GALNT11: variants seen among roughly 807,000 people sequenced by gnomAD.
The protein encoded by GALNT11 is UDP-GalNAc:polypeptide N-acetylgalactosaminyltransferase 11.
A neutral mutation model predicts 72.7 loss-of-function variants in GALNT11; 47 were observed. That is an observed-to-expected ratio of 0.65 (90% CI 0.51 to 0.82). The LOEUF (loss-of-function observed/expected upper bound fraction) is 0.82, where lower values mean the gene tolerates loss of function less well. Among genes scored for constraint, GALNT11 ranks in the 40% least tolerant of loss-of-function variants. The pLI, the probability that GALNT11 is intolerant of heterozygous loss-of-function variation, is 0.00. For synonymous variants in GALNT11, 270 were observed against 286.6 expected (o/e 0.94, Z 0.58); for missense variants, 677 against 778.4 (o/e 0.87, Z 1.55).
chr7:152,075,388 C>T lies in GALNT11; in HGVS notation c.-38-18802C>T, dbSNP rs182489821. 3.2e-3 allele frequency among the ~76,000 whole-genome samples: 488 copies of T among 152,358 alleles called. 1 individual carries two copies. Among genetic ancestry groups the T allele is most frequent in the Non-Finnish European group, 5.8e-3 (395 of 68,040 alleles). Reference sequence around the variant, plus strand: ...CTTCAGTGCTTTAGACACATAGGCTCAGTGCTGCAATATTGTGTCTAGGTT... The same window carrying T: ...CTTCAGTGCTTTAGACACATAGGCTTAGTGCTGCAATATTGTGTCTAGGTT... On this transcript the variant is annotated intron_variant, in intron 1 of 11. Transcript: ENST00000430044.
intron 1 of GALNT11, among the ~76,000 whole-genome samples, chr7:152,060,888 G>A (rs2083970316): frequency 6.6e-6 from 1 of 152,166 alleles, no homozygotes; most frequent in Non-Finnish European, 1.5e-5. Context: ...GGACATTTGG[G>A]TTGGTTCCAA....
At chr7:152,077,256 T>C (rs1469640732) in intron 1 of GALNT11, among the ~76,000 whole-genome samples, 2 of 152,200 alleles carry the variant, frequency 1.3e-5, no homozygotes, top group Non-Finnish European at 2.9e-5. Flanking sequence ...GATACTTTTC[T>C]GAAAAGCATC....
At position 152,032,239 on chromosome 7, in the gene GALNT11, A is replaced by G. The variant is rs112976694; in HGVS notation, c.-39+6355A>G. Among the ~76,000 whole-genome samples the G allele has an allele frequency of 1.8e-3, 266 of 151,950 alleles. 2 individuals carry two copies. Among genetic ancestry groups the G allele is most frequent in the African/African-American group, 6.2e-3 (255 of 41,446 alleles). ...GTGCCTGACCAAACAGATGAGGGCTATCCCTAAACCCTTGGGGCAAGACGG... is the reference window on the plus strand; with the variant it reads ...GTGCCTGACCAAACAGATGAGGGCTGTCCCTAAACCCTTGGGGCAAGACGG... On this transcript the variant is annotated intron_variant, in intron 1 of 11. Coordinates refer to ENST00000430044, the MANE Select transcript of GALNT11 (RefSeq NM_022087.4).
intron 1 of GALNT11, among the ~76,000 whole-genome samples, chr7:152,051,832 A>G (rs1315201438): frequency 6.6e-6 from 1 of 152,154 alleles, no homozygotes; most frequent in Admixed American, 6.5e-5. Context: ...TCTGTTCTTC[A>G]CTCTGACAAT....
chr7:152,038,292 C>T (rs947230667), intron 1 of GALNT11, among the ~76,000 whole-genome samples: 2 of 152,064 alleles, frequency 1.3e-5, no homozygotes, highest in African/African-American at 4.8e-5. Flanking sequence ...TGACAGCAAG[C>T]CAGTCATAAG....
chr7:152,072,314 CAAAAAAAAA>C (rs754741694), intron 1 of GALNT11, among the ~76,000 whole-genome samples: 1 of 62,278 alleles, frequency 1.6e-5, no homozygotes, highest in East Asian at 4.6e-4. Flanking sequence ...GACTCCGTCT[CAAAAAAAAA>C]AAAAAAAAAG....
chr7:152,063,546 T>C (rs1366178424), intron 1 of GALNT11, among the ~76,000 whole-genome samples: 1 of 152,248 alleles, frequency 6.6e-6, no homozygotes, highest in Non-Finnish European at 1.5e-5. Flanking sequence ...TTCTTTTAAT[T>C]GTATGTTAGG....
At chr7:152,030,127 CAG>C (rs2082237157) in intron 1 of GALNT11, among the ~76,000 whole-genome samples, 1 of 152,182 alleles carries the variant, frequency 6.6e-6, no homozygotes, top group African/African-American at 2.4e-5. Context: ...AGACACAAGA[CAG>C]AGATAAAAGA....
chr7:152,110,775 G>T (rs2088097125), intron 7 of GALNT11, 130 bp downstream of exon 7: 2 of 709,468 alleles, frequency 2.8e-6, no homozygotes, highest in Admixed American at 5.3e-5. Context: ...CTGCTGCCCA[G>T]GTTGGAGTGC....
At chr7:152,084,380 T>TAAAAAAAAAAA (rs11447244) in intron 1 of GALNT11, among the ~76,000 whole-genome samples, 1 of 105,330 alleles carries the variant, frequency 9.5e-6, no homozygotes, top group African/African-American at 3.8e-5. Flanking sequence ...CCTGTCTCTT[T>TAAAAAAAAAAA]AAAAAAAAAA....
chr7:152,096,442 C>T (rs760938122), intron 2 of GALNT11, among the ~76,000 whole-genome samples: 3 of 152,204 alleles, frequency 2.0e-5, no homozygotes, highest in Admixed American at 6.5e-5. Flanking sequence ...AAGGGCTGGA[C>T]GCAGTGGCTG....
chr7:152,040,106 T>C (rs903490318), intron 1 of GALNT11, among the ~76,000 whole-genome samples: 4 of 151,844 alleles, frequency 2.6e-5, no homozygotes, highest in African/African-American at 4.8e-5. Context: ...TAGAGAAAAA[T>C]GTAGCTAGAG....
intron 1 of GALNT11, among the ~76,000 whole-genome samples, chr7:152,090,094 A>G (rs2085913492): frequency 6.6e-6 from 1 of 152,172 alleles, no homozygotes; most frequent in African/African-American, 2.4e-5. Flanking sequence ...GAAAGGGGCT[A>G]GTTATAGGGA....
At chr7:152,034,020 A>C (rs2361218) in intron 1 of GALNT11, among the ~76,000 whole-genome samples, 24,359 of 152,156 alleles carry the variant, frequency 0.16, 4,738 homozygotes, top group African/African-American at 0.46. Flanking sequence ...CTGAAAACTT[A>C]CCCAGGTCTG....
chr7:152,091,134 G>GC (rs59188103), intron 1 of GALNT11, among the ~76,000 whole-genome samples: 151,803 of 151,838 alleles, frequency 1, 75,884 homozygotes, highest in Middle Eastern at 1. Flanking sequence ...TGCAACCTCT[G>GC]CTCCCGGGTT....
At position 152,053,872 on chromosome 7, in the gene GALNT11, A is replaced by G. The variant is rs142811083; in HGVS notation, c.-39+27988A>G. The stretch of plus-strand genomic sequence containing the variant: ...AAACCTTGCAATTTATAATTTCATC[A>G]TTGATAAGTGTATCATTTAACTACT... On this transcript the variant is annotated intron_variant, in intron 1 of 11. Coordinates refer to ENST00000430044, the MANE Select transcript of GALNT11 (RefSeq NM_022087.4). 6.4e-3 allele frequency among the ~76,000 whole-genome samples: 968 copies of G among 152,366 alleles called. 10 individuals carry two copies. The highest frequency in any genetic ancestry group is 0.021 in the African/African-American group (880 of 41,584).
chr7:152,026,735 G>C (rs1222074164), intron 1 of GALNT11, among the ~76,000 whole-genome samples: 3 of 152,224 alleles, frequency 2.0e-5, no homozygotes, highest in African/African-American at 4.8e-5. Context: ...GTAGCCGTTT[G>C]TCTCTCATCT....
chr7:152,069,590 T>C (rs185253837), intron 1 of GALNT11, among the ~76,000 whole-genome samples: 143 of 152,334 alleles, frequency 9.4e-4, no homozygotes, highest in African/African-American at 3.2e-3. Context: ...TATGATGCCT[T>C]CTTATTTGAA....
intron 1 of GALNT11, among the ~76,000 whole-genome samples, chr7:152,038,237 C>T (rs2082681997): frequency 6.6e-6 from 1 of 152,134 alleles, no homozygotes; most frequent in South Asian, 2.1e-4. Flanking sequence ...GCCTCACAGC[C>T]TTCAGAGCTG....
Sources: gnomAD v4.1 joint callset for allele counts (sites outside exome capture counted in the v4.1 genomes callset) on GRCh38, gnomAD v4.1.1 for gene constraint, MANE v1.5 for transcripts, NCBI Gene and HGNC (gene_info 2026-07-23, HGNC 2026-07-21) for gene names.